NRXN1: variants seen among roughly 807,000 people sequenced by gnomAD.
The protein encoded by NRXN1 is neurexin 1.
NRXN1 carries 39 observed loss-of-function variants against 150.9 expected under a neutral mutation model. The observed-to-expected ratio is 0.26, with a 90% CI of 0.20 to 0.34. The LOEUF (loss-of-function observed/expected upper bound fraction) is 0.34. Ranked by LOEUF, NRXN1 falls within the 10% of genes least tolerant of loss-of-function variation. The probability of loss-of-function intolerance (pLI) is 1.00; values close to 1 mark genes in which losing one functional copy is unlikely to be tolerated. For synonymous variants in NRXN1, 924 were observed against 757.0 expected, an observed-to-expected ratio of 1.22 and a Z score of -3.62; for missense variants, 1,815 against 1,949.9, an observed-to-expected ratio of 0.93 and a Z score of 1.30.
chr2:50,505,571 G>A, intron 13 of NRXN1, among the ~76,000 whole-genome samples: 1 of 152,096 alleles, frequency 6.6e-6, no homozygotes, highest in East Asian at 1.9e-4. Context: ...TCAAAGAACT[G>A]TCCTAGACCA....
At chr2:50,294,726 A>T (rs1374684637) in intron 17 of NRXN1, among the ~76,000 whole-genome samples, 1 of 152,206 alleles carries the variant, frequency 6.6e-6, no homozygotes, top group Non-Finnish European at 1.5e-5. Context: ...AGGCTGATCC[A>T]TGTTGTTTGA....
chr2:50,828,311 CGG>C, intron 5 of NRXN1, among the ~76,000 whole-genome samples: 1 of 242 alleles, frequency 4.1e-3, no homozygotes, highest in East Asian at 0.25. Context: ...GGCGGCTGGC[CGG>C]GAGGGGGCTG....
chr2:50,106,420 T>A (rs910182896), intron 18 of NRXN1, among the ~76,000 whole-genome samples: 5 of 152,020 alleles, frequency 3.3e-5, no homozygotes, highest in Admixed American at 2.0e-4. Context: ...GAATATGCTT[T>A]GATGTGAACA....
intron 17 of NRXN1, among the ~76,000 whole-genome samples, chr2:50,385,353 T>C (rs76051998): frequency 0.017 from 2,548 of 152,328 alleles, 85 homozygotes; most frequent in African/African-American, 0.059. Flanking sequence ...AATCTTCTCA[T>C]GTCAGAGACT....
chr2:50,494,458 A>C (rs550350584), intron 15 of NRXN1, among the ~76,000 whole-genome samples: 238 of 152,280 alleles, frequency 1.6e-3, no homozygotes, highest in Non-Finnish European at 2.1e-3. Flanking sequence ...AAAGCTCTTC[A>C]ATCAGAGGGA....
intron 21 of NRXN1, among the ~76,000 whole-genome samples, chr2:50,032,395 G>A (rs1357503804): frequency 6.6e-6 from 1 of 152,026 alleles, no homozygotes; most frequent in Non-Finnish European, 1.5e-5. Flanking sequence ...GACTAGTTGG[G>A]AAATTGTTTT....
At chr2:50,329,094 A>T (rs183880473) in intron 17 of NRXN1, among the ~76,000 whole-genome samples, 66 of 152,322 alleles carry the variant, frequency 4.3e-4, no homozygotes, top group Non-Finnish European at 8.1e-4. Context: ...ACATTCCTAA[A>T]CATTAATAGC....
intron 5 of NRXN1, among the ~76,000 whole-genome samples, chr2:50,784,768 C>T (rs2105543993): frequency 6.6e-6 from 1 of 152,058 alleles, no homozygotes. Flanking sequence ...ATGAAAGAGA[C>T]AGTTTCCAGA....
At chr2:50,110,676 TGGAG>T in intron 18 of NRXN1, among the ~76,000 whole-genome samples, 1 of 152,242 alleles carries the variant, frequency 6.6e-6, no homozygotes, top group African/African-American at 2.4e-5. Context: ...AGCACATAAA[TGGAG>T]GGGCCAATTC....
chr2:50,862,636 A>G (rs1676311454), intron 5 of NRXN1, among the ~76,000 whole-genome samples: 1 of 152,060 alleles, frequency 6.6e-6, no homozygotes, highest in Non-Finnish European at 1.5e-5. Flanking sequence ...CTTCCTCTGT[A>G]AAAAAGATAA....
chr2:50,111,615 G>T (rs552980926), intron 18 of NRXN1, among the ~76,000 whole-genome samples: 15 of 151,660 alleles, frequency 9.9e-5, no homozygotes, highest in Non-Finnish European at 1.9e-4. Context: ...TTCCAGCCTG[G>T]GTGACAGAGT....
At chr2:50,056,666 A>G (rs1180074441) in intron 19 of NRXN1, among the ~76,000 whole-genome samples, 1 of 152,086 alleles carries the variant, frequency 6.6e-6, no homozygotes, top group Non-Finnish European at 1.5e-5. Flanking sequence ...GTGTTTGCAT[A>G]TATGCATATT....
intron 17 of NRXN1, among the ~76,000 whole-genome samples, chr2:50,385,048 C>T (rs1037648507): frequency 1.3e-5 from 2 of 152,212 alleles, no homozygotes; most frequent in Non-Finnish European, 2.9e-5. Flanking sequence ...ATTTTGAGAA[C>T]TCTTCTAACA....
At chr2:50,455,076 C>G (rs1334993116) in intron 17 of NRXN1, among the ~76,000 whole-genome samples, 1 of 152,116 alleles carries the variant, frequency 6.6e-6, no homozygotes, top group Non-Finnish European at 1.5e-5. Flanking sequence ...CTATACTTCT[C>G]TGAATCAAAG....
At chr2:51,026,346 C>G (rs747554159) in intron 2 of NRXN1, 1 of 1,459,896 alleles carries the variant, frequency 6.8e-7, no homozygotes, top group Non-Finnish European at 9.5e-7. Context: ...GCCACTGATT[C>G]GTCTTTTTCA....
chr2:49,932,360 G>A (rs570714815), intron 22 of NRXN1, among the ~76,000 whole-genome samples: 64 of 152,264 alleles, frequency 4.2e-4, no homozygotes, highest in African/African-American at 1.5e-3. Flanking sequence ...GTTTGGGGGT[G>A]CAGTGAGCCA....
chr2:50,112,484 G>A (rs1194001236), intron 18 of NRXN1, among the ~76,000 whole-genome samples: 1 of 152,214 alleles, frequency 6.6e-6, no homozygotes, highest in Non-Finnish European at 1.5e-5. Flanking sequence ...CTTTAGTCTT[G>A]ATGAGTCCAC....
At chr2:50,057,878 T>G (rs570714418) in intron 19 of NRXN1, among the ~76,000 whole-genome samples, 1 of 152,170 alleles carries the variant, frequency 6.6e-6, no homozygotes, top group African/African-American at 2.4e-5. Context: ...TGTCACTGAT[T>G]TGAACATCTC....
chr2:50,076,150 G>A (rs1277744725), intron 19 of NRXN1, among the ~76,000 whole-genome samples: 1 of 152,112 alleles, frequency 6.6e-6, no homozygotes, highest in Non-Finnish European at 1.5e-5. Context: ...ATAGTGTTTT[G>A]CTTGGAGTGG....
Sources: allele counts gnomAD v4.1 joint callset (sites outside exome capture counted in the v4.1 genomes callset), GRCh38; gene constraint gnomAD v4.1.1; transcripts MANE v1.5; gene names NCBI Gene and HGNC (gene_info 2026-07-23, HGNC 2026-07-21).